Variants in APAF1 observed in about 807,000 individuals in gnomAD.
APAF1 encodes apoptotic protease-activating factor 1.
APAF1 carries 91 observed loss-of-function variants against 152.4 expected under a neutral mutation model. The ratio of observed to expected loss-of-function variants is 0.60; its 90% CI spans 0.50 to 0.71. APAF1 has a LOEUF of 0.71. Ranked by LOEUF, APAF1 falls within the 30% of genes least tolerant of loss-of-function variation. The probability of loss-of-function intolerance (pLI) is 0.00; values close to 1 mark genes in which losing one functional copy is unlikely to be tolerated. For synonymous variants in APAF1, 484 were observed against 494.1 expected, an observed-to-expected ratio of 0.98 and a Z score of 0.27; for missense variants, 1,283 against 1,472.0, an observed-to-expected ratio of 0.87 and a Z score of 2.10.
chr12:98,677,381 A>G (rs778544251), intron 12 of APAF1, 44 bp from the exon 13 acceptor site: 2 of 1,590,582 alleles, frequency 1.3e-6, no homozygotes, highest in South Asian at 1.1e-5. Context: ...AGTTACTTTT[A>G]CTCTCATTTA....
intron 8 of APAF1, 109 bp downstream of exon 8, chr12:98,665,900 T>A (rs577829543): frequency 9.9e-7 from 1 of 1,009,644 alleles, no homozygotes; most frequent in Non-Finnish European, 1.6e-6. Flanking sequence ...CCCAGGGGAC[T>A]GAGGTGGTGG....
At chr12:98,716,728 ATTTC>A (rs1396336883) in intron 22 of APAF1, among the ~76,000 whole-genome samples, 4 of 152,020 alleles carry the variant, frequency 2.6e-5, no homozygotes, top group Non-Finnish European at 5.9e-5. Flanking sequence ...AAGTTGAATT[ATTTC>A]TTTGATTCTT....
At chr12:98,699,713 T>C (rs745869743) in intron 17 of APAF1, 144 bp downstream of exon 17, 13 of 872,268 alleles carry the variant, frequency 1.5e-5, no homozygotes, top group Non-Finnish European at 2.4e-5. Flanking sequence ...CATGGTTCTT[T>C]GGAACTGTGC....
At chr12:98,652,267 A>G (rs1358364117) in intron 4 of APAF1, among the ~76,000 whole-genome samples, 3 of 152,188 alleles carry the variant, frequency 2.0e-5, no homozygotes, top group Non-Finnish European at 4.4e-5. Flanking sequence ...TTACTAAATG[A>G]TAGGATATAC....
intron 26 of APAF1, among the ~76,000 whole-genome samples, chr12:98,731,219 T>C (rs961565197): frequency 5.9e-5 from 9 of 152,204 alleles, no homozygotes; most frequent in African/African-American, 2.2e-4. Context: ...AGATTTCCCA[T>C]ATACCCCTTT....
Position 98,732,629 on chromosome 12 carries a change from A to G in APAF1, c.*63A>G. On this transcript the variant is annotated 3_prime_UTR_variant, in exon 27 of 27. Transcript: ENST00000551964. The stretch of plus-strand genomic sequence containing the variant: ...TTTGAATTGGAAAAAAATTCTAATG[A>G]AACCCTGATATCAACTTTTTATAAA... 9.1e-7 allele frequency: 1 copy of G among 1,097,482 alleles called. No homozygotes were observed. Among genetic ancestry groups the G allele is most frequent in the Non-Finnish European group, 1.3e-6 (1 of 744,176 alleles). 68.0% of individuals were successfully genotyped at this position (1,097,482 alleles called of 1,614,324 possible).
In APAF1 at chr12:98,725,457, G is replaced by A; in HGVS notation, c.3373G>A (p.Gly1125Ser). The change falls in exon 25 of 27, where the codon GGC (glycine) becomes AGC (serine). Residue 1125 changes from glycine to serine, a missense_variant. Coordinates refer to ENST00000551964, the MANE Select transcript of APAF1 (RefSeq NM_181861.2). ...CCTTTTGCCACTTCATGAATTGAGGGGCCACAACGGCTGTGTGCGCTGCTC... is the reference window on the plus strand; with the variant it reads ...CCTTTTGCCACTTCATGAATTGAGGAGCCACAACGGCTGTGTGCGCTGCTC... ...DLLLPLHELR[G>S]HNGCVRCSAF... The A allele has an allele frequency of 6.2e-7, 1 of 1,614,056 alleles. No homozygotes were observed. The highest frequency in any genetic ancestry group is 8.5e-7 in the Non-Finnish European group (1 of 1,180,008).
rs1215717956 is a variant in APAF1, at chr12:98,725,417, C to G, written c.3333C>G (p.Ile1111Met). 6.2e-7 allele frequency: 1 copy of G among 1,614,082 alleles called. No individual in the cohort carries two copies. Among genetic ancestry groups the G allele is most frequent in the East Asian group, 2.2e-5 (1 of 44,886 alleles). Residue 1111 changes from isoleucine (I) to methionine (M), a missense_variant and splice_region_variant, in exon 25 of 27, where the codon ATC (isoleucine) becomes ATG (methionine). Ile to Met is a conservative substitution (Grantham distance 10). Coordinates refer to ENST00000551964, the MANE Select transcript of APAF1 (RefSeq NM_181861.2). Reference protein sequence around the residue: ...SSTSADKTAKIWSFDLLLPLH... With the variant: ...SSTSADKTAKMWSFDLLLPLH... ...AAACAATCCTAATTGCCTTCCAGAT[C>G]TGGAGTTTTGATCTCCTTTTGCCAC...
chr12:98,672,526 T>C (rs2097681541), intron 12 of APAF1, among the ~76,000 whole-genome samples: 1 of 151,956 alleles, frequency 6.6e-6, no homozygotes, highest in Admixed American at 6.6e-5. Context: ...TTTGCACATA[T>C]AGTCCTTATT....
chr12:98,706,361 A>T, intron 18 of APAF1, 124 bp from the exon 19 acceptor site: 1 of 931,612 alleles, frequency 1.1e-6, no homozygotes, highest in Non-Finnish European at 1.8e-6. Context: ...TAGTTTTGAT[A>T]GTGTGTTTCT....
At chr12:98,732,282 A>G (rs1016120757) in intron 26 of APAF1, 138 bp from the exon 27 acceptor site, 1 of 758,540 alleles carries the variant, frequency 1.3e-6, no homozygotes, top group African/African-American at 1.7e-5. Context: ...TATATTCAGC[A>G]TTAAATCCGA....
intron 24 of APAF1, among the ~76,000 whole-genome samples, chr12:98,724,791 T>C (rs1488491901): frequency 1.3e-5 from 2 of 152,232 alleles, no homozygotes; most frequent in South Asian, 2.1e-4. Flanking sequence ...AGCTAGTTTA[T>C]CTTCTTGTAC....
At chr12:98,686,475 AGTAATT>A (rs910258072) in intron 15 of APAF1, among the ~76,000 whole-genome samples, 2 of 152,240 alleles carry the variant, frequency 1.3e-5, no homozygotes, top group Non-Finnish European at 2.9e-5. Context: ...TGAAATAAGT[AGTAATT>A]GTTTAGTTAG....
At chr12:98,655,718 A>G (rs1309828633) in intron 4 of APAF1, among the ~76,000 whole-genome samples, 1 of 151,692 alleles carries the variant, frequency 6.6e-6, no homozygotes, top group African/African-American at 2.4e-5. Context: ...GGCTCAGGTC[A>G]TCCTCCCACC....
Position 98,688,530 on chromosome 12 carries a change from G to C in APAF1, c.2304+1657G>C, listed in dbSNP as rs1380317247. 4.7e-5 allele frequency among the ~76,000 whole-genome samples: 7 copies of C among 148,350 alleles called. No homozygotes were observed. In the East Asian group the frequency reaches 5.9e-4, roughly 13 times the overall value. On this transcript the variant is annotated intron_variant, in intron 16 of 26. Transcript: ENST00000551964. Reference sequence around the variant, plus strand: ...TCTTTCACTCAGGCTGGAGTGCAGTGGTACCATCATGGCTCACTGCAGCCT... The same window carrying C: ...TCTTTCACTCAGGCTGGAGTGCAGTCGTACCATCATGGCTCACTGCAGCCT...
intron 5 of APAF1, among the ~76,000 whole-genome samples, chr12:98,659,977 A>G (rs1016142424): frequency 1.3e-5 from 2 of 152,100 alleles, no homozygotes; most frequent in South Asian, 2.1e-4. Context: ...AGAAAGTGCA[A>G]ACTTCTTACT....
At chr12:98,663,867 C>T (rs1411440278) in intron 7 of APAF1, among the ~76,000 whole-genome samples, 1 of 152,100 alleles carries the variant, frequency 6.6e-6, no homozygotes, top group Non-Finnish European at 1.5e-5. Context: ...CCATGTTGGT[C>T]AGGCTGGTCT....
chr12:98,724,606 T>C (rs909120988), intron 24 of APAF1, among the ~76,000 whole-genome samples: 1 of 152,250 alleles, frequency 6.6e-6, no homozygotes, highest in African/African-American at 2.4e-5. Context: ...CTAGATTTGA[T>C]GGCAGCTCTT....
chr12:98,659,289 A>C lies in APAF1; in HGVS notation c.656A>C (p.Asn219Thr). The C allele has an allele frequency of 1.2e-6, 2 of 1,614,200 alleles. No homozygotes were observed. Among genetic ancestry groups the C allele is most frequent in the East Asian group, 2.2e-5 (1 of 44,882 alleles). Reference protein sequence around the residue: ...DESFSQRLPLNIEEAKDRLRI... With the variant: ...DESFSQRLPLTIEEAKDRLRI... ...AGTTTTTCCCAGAGGCTTCCACTTA[A>C]TATTGAAGAGGCTAAAGACCGTCTC... Residue 219 changes from asparagine to threonine, a missense_variant, in exon 5 of 27, where the codon AAT becomes ACT. By Grantham distance (65) the Asn-to-Thr change is moderately conservative. Transcript: ENST00000551964.
Sources: allele counts gnomAD v4.1 joint callset (sites outside exome capture counted in the v4.1 genomes callset), GRCh38; gene constraint gnomAD v4.1.1; transcripts MANE v1.5; gene names NCBI Gene and HGNC (gene_info 2026-07-23, HGNC 2026-07-21).